The following ROBO1 variants were observed in gnomAD, a reference collection of about 807,000 sequenced individuals.
ROBO1 encodes roundabout guidance receptor 1.
ROBO1 carries 149 observed loss-of-function variants against 195.9 expected under a neutral mutation model. The ratio of observed to expected loss-of-function variants is 0.76; its 90% CI spans 0.67 to 0.87. The LOEUF (loss-of-function observed/expected upper bound fraction) is 0.87, where lower values mean the gene tolerates loss of function less well. ROBO1 is among the 40% of genes least tolerant of loss of function. The pLI is 0.00. For missense variants in ROBO1, 1,933 were observed against 2,068.3 expected (o/e 0.93, Z 1.27); for synonymous variants, 816 against 733.2 (o/e 1.11, Z -1.82).
intron 2 of ROBO1, among the ~76,000 whole-genome samples, chr3:79,224,237 G>T (rs1283075588): frequency 6.6e-6 from 1 of 152,158 alleles, no homozygotes; most frequent in East Asian, 1.9e-4. Flanking sequence ...TCAAAATTCA[G>T]TCAAACAAAA....
At chr3:79,547,184 CA>C (rs1162585941) in intron 2 of ROBO1, among the ~76,000 whole-genome samples, 841 of 23,190 alleles carry the variant, frequency 0.036, no homozygotes, top group African/African-American at 0.11. Context: ...GACTCCGCCT[CA>C]AAAAAAAAAA....
intron 3 of ROBO1, among the ~76,000 whole-genome samples, chr3:79,033,017 A>T (rs985337943): frequency 1.3e-5 from 2 of 152,098 alleles, no homozygotes; most frequent in African/African-American, 2.4e-5. Context: ...AATATATTAG[A>T]GTGGTAGAAC....
At chr3:79,361,329 A>G (rs2035761535) in intron 2 of ROBO1, among the ~76,000 whole-genome samples, 1 of 152,112 alleles carries the variant, frequency 6.6e-6, no homozygotes, top group South Asian at 2.1e-4. Flanking sequence ...TGAATCAAAA[A>G]GTAAGGCAAA....
intron 1 of ROBO1, among the ~76,000 whole-genome samples, chr3:79,606,273 C>T (rs913449741): frequency 3.3e-5 from 5 of 151,888 alleles, no homozygotes; most frequent in African/African-American, 9.7e-5. Flanking sequence ...ACAGTCTTTT[C>T]TAAGGATTCG....
chr3:79,127,103 C>A (rs2080230273), intron 2 of ROBO1, among the ~76,000 whole-genome samples: 1 of 151,880 alleles, frequency 6.6e-6, no homozygotes, highest in South Asian at 2.1e-4. Flanking sequence ...TGGCTGTTGT[C>A]ATTTTACCCT....
intron 4 of ROBO1, among the ~76,000 whole-genome samples, chr3:78,811,827 G>A (rs529213703): frequency 6.6e-5 from 10 of 151,850 alleles, no homozygotes; most frequent in South Asian, 2.1e-4. Context: ...TCTCTATCTC[G>A]TTTCTTCCCA....
intron 4 of ROBO1, among the ~76,000 whole-genome samples, chr3:78,788,238 C>T (rs1201034107): frequency 1.3e-5 from 2 of 151,610 alleles, no homozygotes; most frequent in Non-Finnish European, 2.9e-5. Flanking sequence ...GCCTCAGCCT[C>T]CCGAGTAGCT....
intron 2 of ROBO1, among the ~76,000 whole-genome samples, chr3:79,167,281 C>G (rs1411089986): frequency 6.6e-6 from 1 of 152,024 alleles, no homozygotes; most frequent in Non-Finnish European, 1.5e-5. Context: ...GTTTACTCTT[C>G]ACTATTTTTG....
chr3:78,976,523 T>A (rs1414731042), intron 3 of ROBO1, among the ~76,000 whole-genome samples: 1 of 152,144 alleles, frequency 6.6e-6, no homozygotes, highest in Non-Finnish European at 1.5e-5. Flanking sequence ...GCTTCTGGCT[T>A]AAGGCACATA....
At chr3:79,122,596 T>C (rs1430921751) in intron 3 of ROBO1, among the ~76,000 whole-genome samples, 1 of 152,028 alleles carries the variant, frequency 6.6e-6, no homozygotes, top group African/African-American at 2.4e-5. Context: ...TATATAGATT[T>C]TAAGATATGT....
At chr3:78,891,391 A>G (rs1010647776) in intron 4 of ROBO1, among the ~76,000 whole-genome samples, 1 of 152,148 alleles carries the variant, frequency 6.6e-6, no homozygotes, top group African/African-American at 2.4e-5. Context: ...TGGAAACACA[A>G]ATTAAACCAC....
At chr3:79,745,922 G>T (rs976809209) in intron 1 of ROBO1, among the ~76,000 whole-genome samples, 15 of 151,908 alleles carry the variant, frequency 9.9e-5, no homozygotes, top group African/African-American at 3.6e-4. Context: ...ATAATTATAT[G>T]TTCTCTTCAC....
intron 4 of ROBO1, among the ~76,000 whole-genome samples, chr3:78,848,891 T>C (rs2033848712): frequency 7.2e-5 from 11 of 151,938 alleles, no homozygotes. Context: ...CTAACTTAAG[T>C]GGTTATCGCA....
intron 3 of ROBO1, among the ~76,000 whole-genome samples, chr3:78,947,562 G>A (rs962753259): frequency 1.3e-5 from 2 of 152,010 alleles, no homozygotes; most frequent in African/African-American, 4.8e-5. Flanking sequence ...ATGCCCACAA[G>A]GAAAAGTAGG....
chr3:79,511,423 A>G (rs575047036), intron 2 of ROBO1, among the ~76,000 whole-genome samples: 21 of 152,226 alleles, frequency 1.4e-4, no homozygotes, highest in African/African-American at 3.8e-4. Flanking sequence ...ACTTTCTACT[A>G]TTCTCGAAGG....
intron 1 of ROBO1, among the ~76,000 whole-genome samples, chr3:79,654,915 T>C (rs2106776522): frequency 6.6e-6 from 1 of 152,160 alleles, no homozygotes; most frequent in South Asian, 2.1e-4. Flanking sequence ...CTCTTAGGTC[T>C]GTGTAATGAG....
At chr3:79,284,167 T>G (rs1252113286) in intron 2 of ROBO1, among the ~76,000 whole-genome samples, 1 of 151,896 alleles carries the variant, frequency 6.6e-6, no homozygotes, top group South Asian at 2.1e-4. Context: ...TTTGGCACCC[T>G]AGATATGTCG....
Position 78,717,486 on chromosome 3 carries a change from T to G in ROBO1, c.779-73A>C, listed in dbSNP as rs764801364. ...GCTGAAAAACACTTTAGGAGTTCAG[T>G]AAGAGCATATTTTTAATTTAAAATA... On this transcript the variant is annotated intron_variant, in intron 6 of 30. Transcript: ENST00000464233. The G allele has an allele frequency of 5.1e-5, 66 of 1,296,224 alleles. No homozygotes were observed. In the Admixed American group the frequency reaches 6.4e-4, roughly 13 times the overall value. 80.3% of individuals were successfully genotyped at this position (1,296,224 alleles called of 1,614,324 possible). A position where few individuals can be genotyped will look rare whatever the true frequency, so the allele number is the denominator to read the frequency against.
At chr3:79,172,307 T>C (rs887345630) in intron 2 of ROBO1, among the ~76,000 whole-genome samples, 7 of 152,230 alleles carry the variant, frequency 4.6e-5, no homozygotes, top group Non-Finnish European at 8.8e-5. Flanking sequence ...TGAGTGACTA[T>C]AAATGCATAC....
Sources: allele counts gnomAD v4.1 joint callset (sites outside exome capture counted in the v4.1 genomes callset), GRCh38; gene constraint gnomAD v4.1.1; transcripts MANE v1.5; gene names NCBI Gene and HGNC (gene_info 2026-07-23, HGNC 2026-07-21).